Variants in FBXW7 observed in about 807,000 individuals in gnomAD.
FBXW7 encodes F-box and WD repeat domain containing 7.
A neutral mutation model predicts 86.3 loss-of-function variants in FBXW7; 11 were observed. The ratio of observed to expected loss-of-function variants is 0.13; its 90% CI spans 0.08 to 0.21. The LOEUF (loss-of-function observed/expected upper bound fraction) is 0.21. Ranked by LOEUF, FBXW7 falls within the 10% of genes least tolerant of loss-of-function variation. FBXW7 has a pLI of 1.00. For missense variants in FBXW7, 488 were observed against 847.4 expected (o/e 0.58, Z 5.27); for synonymous variants, 313 against 297.9 (o/e 1.05, Z -0.52).
intron 2 of FBXW7, among the ~76,000 whole-genome samples, chr4:152,442,619 CAT>C (rs1431974957): frequency 6.6e-6 from 1 of 152,178 alleles, no homozygotes; most frequent in African/African-American, 2.4e-5. Context: ...TGCCAGTACA[CAT>C]GTACTGACCA....
intron 2 of FBXW7, among the ~76,000 whole-genome samples, chr4:152,475,830 GAA>G (rs1163799876): frequency 6.6e-6 from 1 of 152,096 alleles, no homozygotes; most frequent in Non-Finnish European, 1.5e-5. Context: ...AAGCACTGAT[GAA>G]AATAATCAAA....
chr4:152,415,058 A>G (rs954067978), intron 2 of FBXW7, among the ~76,000 whole-genome samples: 3 of 152,144 alleles, frequency 2.0e-5, no homozygotes, highest in African/African-American at 7.2e-5. Flanking sequence ...AAGACCTTTG[A>G]TAATTCAAAA....
chr4:152,461,262 T>C (rs928415452), intron 2 of FBXW7, among the ~76,000 whole-genome samples: 7 of 152,042 alleles, frequency 4.6e-5, no homozygotes, highest in African/African-American at 1.4e-4. Flanking sequence ...CAAAATAAAA[T>C]AAAATAAAAT....
At chr4:152,508,374 C>T (rs1255269653) in intron 2 of FBXW7, among the ~76,000 whole-genome samples, 2 of 151,980 alleles carry the variant, frequency 1.3e-5, no homozygotes, top group Non-Finnish European at 2.9e-5. Context: ...AACAGAAAAT[C>T]ACCATGACAA....
chr4:152,455,461 C>A (rs1742318368), intron 2 of FBXW7, among the ~76,000 whole-genome samples: 1 of 152,220 alleles, frequency 6.6e-6, no homozygotes, highest in Non-Finnish European at 1.5e-5. Context: ...TAAGACGATA[C>A]ACATTTTCTC....
chr4:152,512,964 C>A (rs28735544), intron 2 of FBXW7, among the ~76,000 whole-genome samples: 54,964 of 151,966 alleles, frequency 0.36, 10,548 homozygotes, highest in African/African-American at 0.5. Context: ...CAGGTTCCAG[C>A]GATTCTCCTG....
chr4:152,444,951 A>C (rs540979496), intron 2 of FBXW7, among the ~76,000 whole-genome samples: 2 of 152,110 alleles, frequency 1.3e-5, no homozygotes, highest in East Asian at 3.9e-4. Flanking sequence ...ATCCTCCTAC[A>C]TGGCTGTGAC....
chr4:152,350,108 T>C lies in FBXW7; in HGVS notation c.518A>G (p.Asp173Gly). ...AAAAGAGCGGACCTCAGAACCATGGTCCAACTTTCTTTTCATCTATAAGGT... is the reference window on the plus strand; with the variant it reads ...AAAAGAGCGGACCTCAGAACCATGGCCCAACTTTCTTTTCATCTATAAGGT... ...TKTTKMKRKLDHGSEVRSFSL... is the reference protein window; with the variant it reads ...TKTTKMKRKLGHGSEVRSFSL... Residue 173 changes from aspartate (D) to glycine (G), a missense_variant, in exon 5 of 14, where the codon GAC (aspartate) becomes GGC (glycine). Physicochemically the swap from Asp to Gly is moderately conservative, Grantham distance 94. This residue lies in a region of FBXW7 where 230 missense variants were observed against 240.0 expected (regional missense o/e 0.96). Coordinates refer to ENST00000281708, the MANE Select transcript of FBXW7 (RefSeq NM_001349798.2). The C allele has an allele frequency of 6.4e-7, 1 of 1,556,740 alleles. No homozygotes were observed. The highest frequency in any genetic ancestry group is 8.7e-7 in the Non-Finnish European group (1 of 1,145,904).
chr4:152,325,925 G>A, intron 12 of FBXW7, 81 bp downstream of exon 12: 1 of 1,161,856 alleles, frequency 8.6e-7, no homozygotes, highest in South Asian at 1.3e-5. Flanking sequence ...TACTGGATCA[G>A]CAATTTGACA....
chr4:152,505,743 ATTT>A (rs763132391), intron 2 of FBXW7, among the ~76,000 whole-genome samples: 1 of 142,026 alleles, frequency 7.0e-6, no homozygotes, highest in Non-Finnish European at 1.5e-5. Flanking sequence ...CTGTTTTGCA[ATTT>A]TTTTTTTTTT....
intron 4 of FBXW7, among the ~76,000 whole-genome samples, chr4:152,353,545 T>C (rs1170648967): frequency 2.6e-5 from 4 of 152,178 alleles, no homozygotes; most frequent in Admixed American, 6.5e-5. Flanking sequence ...TGTGTAAAGT[T>C]TGGCCAAAAG....
At chr4:152,527,156 C>T (rs1749589360) in intron 2 of FBXW7, among the ~76,000 whole-genome samples, 2 of 152,208 alleles carry the variant, frequency 1.3e-5, no homozygotes, top group African/African-American at 4.8e-5. Context: ...ATGTAAAGGA[C>T]ACGTTTTCCT....
In FBXW7 at chr4:152,405,586, A is replaced by T. The variant is rs193199295; in HGVS notation, c.501+5717T>A. On this transcript the variant is annotated intron_variant, in intron 4 of 13. Coordinates refer to ENST00000281708, the MANE Select transcript of FBXW7 (RefSeq NM_001349798.2). ...AAAATTCATTTTAAAAAACTCATCC[A>T]ATTATTCATACTGCCAACTCATTGT... Among the ~76,000 whole-genome samples the T allele has an allele frequency of 2.6e-5, 4 of 152,332 alleles. No individual in the cohort carries two copies. The East Asian group carries it at 7.7e-4, about 29-fold the overall frequency.
intron 2 of FBXW7, among the ~76,000 whole-genome samples, chr4:152,422,837 G>A (rs1579159136): frequency 6.6e-6 from 1 of 152,052 alleles, no homozygotes; most frequent in South Asian, 2.1e-4. Context: ...AGCTAAGTAA[G>A]CCTCCCTAGA....
chr4:152,474,290 A>C (rs1010970851), intron 2 of FBXW7, among the ~76,000 whole-genome samples: 1 of 152,242 alleles, frequency 6.6e-6, no homozygotes, highest in African/African-American at 2.4e-5. Context: ...AAGACTGCTC[A>C]TGAATTCTAA....
chr4:152,435,822 A>C (rs1740331499), intron 2 of FBXW7, among the ~76,000 whole-genome samples: 1 of 152,190 alleles, frequency 6.6e-6, no homozygotes, highest in African/African-American at 2.4e-5. Flanking sequence ...TGGTAACTTC[A>C]TGTCTCTGTA....
chr4:152,379,561 C>G (rs1463904697), intron 4 of FBXW7, among the ~76,000 whole-genome samples: 1 of 152,082 alleles, frequency 6.6e-6, no homozygotes, highest in African/African-American at 2.4e-5. Context: ...CTCTGTCACC[C>G]AAGCTGGAGT....
chr4:152,365,385 T>C (rs548510477), intron 4 of FBXW7, among the ~76,000 whole-genome samples: 25 of 152,144 alleles, frequency 1.6e-4, no homozygotes, highest in Admixed American at 2.0e-4. Context: ...ATGCTGAAAA[T>C]AGAATGGCAG....
At chr4:152,494,220 C>T (rs1579348207) in intron 2 of FBXW7, among the ~76,000 whole-genome samples, 1 of 152,266 alleles carries the variant, frequency 6.6e-6, no homozygotes, top group East Asian at 1.9e-4. Context: ...AAGACTACCT[C>T]TATTTTAACA....
Sources: gnomAD v4.1 joint callset for allele counts (sites outside exome capture counted in the v4.1 genomes callset) on GRCh38, gnomAD v4.1.1 for gene constraint, gnomAD v4.1.1 regional missense constraint, MANE v1.5 for transcripts, NCBI Gene and HGNC (gene_info 2026-07-23, HGNC 2026-07-21) for gene names.